Variants in BBS2 observed in about 807,000 individuals in gnomAD.
The protein encoded by BBS2 is Bardet-Biedl syndrome 2, also known as BBSome complex member BBS2.
BBS2 carries 62 observed loss-of-function variants against 83.0 expected under a neutral mutation model. That is an observed-to-expected ratio of 0.75 (90% CI 0.61 to 0.92). The LOEUF (loss-of-function observed/expected upper bound fraction) is 0.92, where lower values mean the gene tolerates loss of function less well. BBS2 is among the 40% of genes least tolerant of loss of function. BBS2 has a pLI of 0.00. For missense variants in BBS2, 784 were observed against 901.0 expected, an observed-to-expected ratio of 0.87 and a Z score of 1.66; for synonymous variants, 303 against 326.1, an observed-to-expected ratio of 0.93 and a Z score of 0.76.
chr16:56,500,668 G>T (rs1001218361), intron 11 of BBS2, 186 bp downstream of exon 11: 3 of 553,986 alleles, frequency 5.4e-6, no homozygotes, highest in South Asian at 2.2e-5. Context: ...TTACATATCA[G>T]TTTTTCCATT....
chr16:56,486,924 G>A (rs1440287816), intron 15 of BBS2, among the ~76,000 whole-genome samples: 1 of 151,744 alleles, frequency 6.6e-6, no homozygotes, highest in African/African-American at 2.4e-5. Flanking sequence ...CACCACACCT[G>A]GCTAATTTTT....
downstream of BBS2, among the ~76,000 whole-genome samples, chr16:56,482,468 C>T (rs1179365592): frequency 6.6e-6 from 1 of 152,014 alleles, no homozygotes; most frequent in Non-Finnish European, 1.5e-5. Context: ...GGCAGATTTA[C>T]GATGATACTT....
At chr16:56,474,787 G>C in intron 17 of BBS2, 1 of 1,564,806 alleles carries the variant, frequency 6.4e-7, no homozygotes, top group South Asian at 1.2e-5. Context: ...GTTCTATCAA[G>C]GTTATTTTTT....
intron 1 of BBS2, among the ~76,000 whole-genome samples, chr16:56,515,651 A>T (rs1160701712): frequency 1.3e-5 from 2 of 152,220 alleles, no homozygotes; most frequent in East Asian, 3.8e-4. Flanking sequence ...AACAGAATTA[A>T]TTTTAAATTA....
chr16:56,496,145 A>G (rs1009590391), intron 15 of BBS2, among the ~76,000 whole-genome samples: 2 of 152,168 alleles, frequency 1.3e-5, no homozygotes, highest in African/African-American at 2.4e-5. Context: ...TCTTGCCCCT[A>G]ATATATACAC....
intron 7 of BBS2, 149 bp downstream of exon 7, chr16:56,505,801 G>A: frequency 1.5e-6 from 1 of 671,758 alleles, no homozygotes; most frequent in East Asian, 2.8e-5. Flanking sequence ...CAGGAAGAAT[G>A]TGTCAAGATT....
chr16:56,497,562 C>T (rs1291980356), intron 14 of BBS2, 181 bp downstream of exon 14: 1 of 760,874 alleles, frequency 1.3e-6, no homozygotes, highest in Non-Finnish European at 2.1e-6. Flanking sequence ...CTAAACACTT[C>T]CTTTTATAAA....
chr16:56,475,866 TG>T (rs1426854902), intron 17 of BBS2, among the ~76,000 whole-genome samples: 6 of 152,338 alleles, frequency 3.9e-5, no homozygotes, highest in East Asian at 1.9e-4. Context: ...AGGTATATGC[TG>T]GAATAGGGCT....
In BBS2 at chr16:56,485,588, AC is replaced by A. The variant is rs1457486459; in HGVS notation, c.2059+1del. The A allele has an allele frequency of 3.1e-6, 5 of 1,613,924 alleles. No individual in the cohort carries two copies. In the East Asian group the frequency reaches 8.9e-5, roughly 29 times the overall value. ...AGTGCAGTGTTATGAAAAGAGACTT[AC>A]CCCGCAGACGACCTGCTCTTTGAAT... On this transcript the variant is annotated splice_donor_variant, in intron 16 of 16. Transcript: ENST00000245157. LOFTEE classifies it high-confidence loss of function.
intron 15 of BBS2, among the ~76,000 whole-genome samples, chr16:56,490,656 A>G (rs1335173818): frequency 6.6e-6 from 1 of 152,024 alleles, no homozygotes; most frequent in Non-Finnish European, 1.5e-5. Flanking sequence ...TAAATAAATA[A>G]AGTATTAAGA....
intron 17 of BBS2, among the ~76,000 whole-genome samples, chr16:56,479,326 T>C (rs1963601121): frequency 6.6e-6 from 1 of 151,954 alleles, no homozygotes; most frequent in Non-Finnish European, 1.5e-5. Context: ...ATACAAAAAT[T>C]AGCTGGGTGT....
At position 56,484,608 on chromosome 16, in the gene BBS2, A is replaced by C; in HGVS notation, c.*153T>G. ...AAAAATAGAAAGCAAGTCTATCTTC[A>C]CATGTAGTTCTTTGTCTTTAATTTG... On this transcript the variant is annotated 3_prime_UTR_variant, in exon 17 of 17. Transcript: ENST00000245157. 1 of 665,126 alleles carries C rather than the reference A, an allele frequency of 1.5e-6. No individual in the cohort carries two copies. 41.2% of individuals were successfully genotyped at this position (665,126 alleles called of 1,614,324 possible). A position where few individuals can be genotyped will look rare whatever the true frequency, so the allele number is the denominator to read the frequency against.
chr16:56,501,263 C>T, intron 10 of BBS2, 90 bp downstream of exon 10: 1 of 1,536,248 alleles, frequency 6.5e-7, no homozygotes, highest in South Asian at 1.1e-5. Context: ...TGAGCCAAGA[C>T]AGAGGAAGAC....
intron 9 of BBS2, chr16:56,501,898 C>T (rs1003090041): frequency 6.2e-5 from 22 of 357,548 alleles, no homozygotes; most frequent in Non-Finnish European, 9.5e-5. Flanking sequence ...CTGTTTTTAA[C>T]ATGTTTGTTT....
chr16:56,500,208 G>T (rs1964227355), intron 11 of BBS2: 1 of 368,432 alleles, frequency 2.7e-6, no homozygotes, highest in African/African-American at 2.1e-5. Flanking sequence ...ACTAGCTGAG[G>T]TTATGTATGA....
In BBS2 at chr16:56,509,860, G is replaced by C. The variant is rs570830678; in HGVS notation, c.612+97C>G. On this transcript the variant is annotated intron_variant, in intron 5 of 16. Transcript: ENST00000245157. ...CAAGCTTTTATCCTAAAACCACCTG[G>C]GTTTGGAGATGCCCCAGCACTCTCA... The C allele has an allele frequency of 6.7e-5, 86 of 1,284,608 alleles. 1 individual carries two copies. Among genetic ancestry groups the C allele is most frequent in the Non-Finnish European group, 3.7e-5 (33 of 884,028 alleles). 79.6% of individuals were successfully genotyped at this position (1,284,608 alleles called of 1,614,324 possible). A position where few individuals can be genotyped will look rare whatever the true frequency, so the allele number is the denominator to read the frequency against.
chr16:56,495,312 T>C (rs1964086336), intron 15 of BBS2, among the ~76,000 whole-genome samples: 1 of 152,044 alleles, frequency 6.6e-6, no homozygotes, highest in South Asian at 2.1e-4. Context: ...GCTGATAATA[T>C]CATAAAAAGA....
chr16:56,501,332 C>A, intron 10 of BBS2, 21 bp downstream of exon 10: 1 of 1,613,576 alleles, frequency 6.2e-7, no homozygotes, highest in Non-Finnish European at 8.5e-7. Context: ...CTCTAAATAC[C>A]AGCTGTGAGT....
chr16:56,517,110 G>A (rs770912984), intron 1 of BBS2, among the ~76,000 whole-genome samples: 3 of 152,104 alleles, frequency 2.0e-5, no homozygotes, highest in East Asian at 1.9e-4. Flanking sequence ...ACCTCTGCCC[G>A]ATCTCCCTGC....
Sources: allele counts gnomAD v4.1 joint callset (sites outside exome capture counted in the v4.1 genomes callset), GRCh38; gene constraint gnomAD v4.1.1; transcripts MANE v1.5; gene names NCBI Gene and HGNC (gene_info 2026-07-23, HGNC 2026-07-21).